Variants in TAF3 observed in about 807,000 individuals in gnomAD.
TAF3 encodes TATA-box binding protein associated factor 3, also known as transcription initiation factor TFIID subunit 3.
In TAF3, 7 loss-of-function variants were observed where a neutral mutation model predicts 80.6. The observed-to-expected ratio is 0.09, with a 90% CI of 0.05 to 0.16. The LOEUF (loss-of-function observed/expected upper bound fraction) is 0.16, where lower values mean the gene tolerates loss of function less well. TAF3 is among the 10% of genes least tolerant of loss of function. The probability of loss-of-function intolerance (pLI) is 1.00; values close to 1 mark genes in which losing one functional copy is unlikely to be tolerated. For synonymous variants in TAF3, 444 were observed against 446.1 expected (o/e 1.00, Z 0.06); for missense variants, 921 against 1,140.2 (o/e 0.81, Z 2.77).
chr10:7,964,910 A>G lies in TAF3; in HGVS notation c.1400A>G (p.Asp467Gly). ...TSSSDNSWTM[D>G]ASIDEVVRKA... ...AGTTCCGATAACTCATGGACAATGG[A>G]TGCCTCCATTGATGAGGTTGTACGT... is the stretch of plus-strand genomic sequence containing the variant. Residue 467 changes from aspartate (D) to glycine (G), a missense_variant, in exon 3 of 7, where the codon GAT becomes GGT. Physicochemically the swap from Asp to Gly is moderately conservative, Grantham distance 94. Coordinates refer to ENST00000344293, the MANE Select transcript of TAF3 (RefSeq NM_031923.4). This position sits in a 1 kb window ranked among gnomAD's most constrained non-coding sequence, Gnocchi z 4.1. 6.2e-7 allele frequency: 1 copy of G among 1,614,096 alleles called. No homozygotes were observed.
intron 2 of TAF3, among the ~76,000 whole-genome samples, chr10:7,876,003 T>C (rs1044999268): frequency 1.6e-4 from 24 of 151,790 alleles, no homozygotes; most frequent in African/African-American, 5.8e-4. Context: ...CTTTAAGTTT[T>C]TTTATCATAC....
At chr10:7,986,636 T>C (rs1483269826) in intron 4 of TAF3, among the ~76,000 whole-genome samples, 1 of 152,208 alleles carries the variant, frequency 6.6e-6, no homozygotes, top group Non-Finnish European at 1.5e-5. Context: ...ACTTGGACTC[T>C]CAGCATCTTG....
chr10:7,973,424 T>G (rs1224190992), intron 3 of TAF3, among the ~76,000 whole-genome samples: 1 of 152,188 alleles, frequency 6.6e-6, no homozygotes, highest in African/African-American at 2.4e-5. Flanking sequence ...ACCCTAAAAT[T>G]GTTAGAGTTG....
chr10:8,006,168 G>GA (rs750466540), intron 4 of TAF3, among the ~76,000 whole-genome samples: 3 of 127,704 alleles, frequency 2.3e-5, no homozygotes, highest in Non-Finnish European at 3.3e-5. Context: ...CGTCTCTACT[G>GA]AAAAAAAAAA....
chr10:7,869,868 A>G (rs2131144253), intron 2 of TAF3, among the ~76,000 whole-genome samples: 1 of 152,276 alleles, frequency 6.6e-6, no homozygotes, highest in African/African-American at 2.4e-5. Context: ...TTTATAAACT[A>G]TTTGTACTTT....
At chr10:7,922,875 A>G (rs1430004229) in intron 2 of TAF3, among the ~76,000 whole-genome samples, 2 of 152,084 alleles carry the variant, frequency 1.3e-5, no homozygotes, top group Admixed American at 6.5e-5. Flanking sequence ...GTTAAAATGC[A>G]TAATTGGAGC....
intron 2 of TAF3, among the ~76,000 whole-genome samples, chr10:7,923,000 A>G (rs1837779257): frequency 6.6e-6 from 1 of 152,088 alleles, no homozygotes; most frequent in East Asian, 1.9e-4. Flanking sequence ...AATCATCTAT[A>G]TAGGACTTCT....
In TAF3 at chr10:7,824,520, C is replaced by T. The variant is rs774665170; in HGVS notation, c.369C>T (p.Tyr123=). The stretch of plus-strand genomic sequence containing the variant: ...AAGATGCAGAGGAAAGAAAAGAATA[C>T]ATTCCTGATTACCTGCCACCCATTG... ...GSKDAEERKE[Y]IPDYLPPIVS... The change falls in exon 2 of 7, where the codon TAC becomes TAT. Residue 123 remains tyrosine, a synonymous_variant. Coordinates refer to ENST00000344293, the MANE Select transcript of TAF3 (RefSeq NM_031923.4). 1 of 1,614,172 alleles carries T rather than the reference C, an allele frequency of 6.2e-7. No individual in the cohort carries two copies.
chr10:7,852,453 T>G (rs1056268775), intron 2 of TAF3, among the ~76,000 whole-genome samples: 16 of 152,248 alleles, frequency 1.1e-4, no homozygotes, highest in African/African-American at 3.9e-4. Context: ...TCATATTTGT[T>G]GCAGAAACTG....
At position 7,965,349 on chromosome 10, in the gene TAF3, A is replaced by G. The variant is rs752655034; in HGVS notation, c.1839A>G (p.Lys613=). 3.7e-6 allele frequency: 6 copies of G among 1,603,528 alleles called. No individual in the cohort carries two copies. Among genetic ancestry groups the G allele is most frequent in the East Asian group, 2.2e-5 (1 of 44,832 alleles). ...KLKDGLVRKE[K]EKHKDKKKDR... ...AAGATGGACTTGTGAGGAAGGAGAA[A>G]GAGAAGCATAAAGATAAGAAGAAAG... Residue 613 remains lysine, a synonymous_variant, in exon 3 of 7, where the codon AAA becomes AAG. Transcript: ENST00000344293.
chr10:7,920,299 C>CGTGTGTGTGT (rs60287426), intron 2 of TAF3, among the ~76,000 whole-genome samples: 1 of 101,280 alleles, frequency 9.9e-6, no homozygotes, highest in African/African-American at 3.0e-5. Context: ...TTTAAACATA[C>CGTGTGTGTGT]GTGTGTGTGT....
intron 3 of TAF3, among the ~76,000 whole-genome samples, chr10:7,969,817 C>T (rs368351353): frequency 1.3e-5 from 2 of 152,154 alleles, no homozygotes; most frequent in African/African-American, 4.8e-5. Flanking sequence ...CTTTGGCAGC[C>T]ACACTGACCG....
intron 2 of TAF3, among the ~76,000 whole-genome samples, chr10:7,940,298 G>A (rs984770089): frequency 2.2e-4 from 34 of 152,322 alleles, no homozygotes; most frequent in Non-Finnish European, 4.6e-4. Flanking sequence ...GAAACTACCA[G>A]ATGATTCAGT....
intron 2 of TAF3, among the ~76,000 whole-genome samples, chr10:7,850,281 ATT>A (rs1182686395): frequency 5.3e-5 from 8 of 152,210 alleles, no homozygotes; most frequent in Non-Finnish European, 1.2e-4. Flanking sequence ...TGCTGCATTC[ATT>A]TTATACTGCG....
chr10:7,975,093 G>C (rs1174878077), intron 3 of TAF3: 2 of 238,620 alleles, frequency 8.4e-6, no homozygotes, highest in Admixed American at 5.3e-5. Flanking sequence ...AAAAAAAAAA[G>C]AGTGAGATGA....
At chr10:7,974,165 CACACACAA>C (rs1831648365) in intron 3 of TAF3, among the ~76,000 whole-genome samples, 1 of 125,806 alleles carries the variant, frequency 7.9e-6, no homozygotes, top group African/African-American at 2.8e-5. Flanking sequence ...CACACACACA[CACACACAA>C]ACACACACAC....
At chr10:7,975,479 T>C (rs1831663923) in intron 3 of TAF3, among the ~76,000 whole-genome samples, 1 of 152,144 alleles carries the variant, frequency 6.6e-6, no homozygotes, top group Non-Finnish European at 1.5e-5. Flanking sequence ...AAACAGCTAG[T>C]ATTGGAGGCA....
chr10:8,014,576 G>A, intron 6 of TAF3, 61 bp from the exon 7 acceptor site: 1 of 1,414,432 alleles, frequency 7.1e-7, no homozygotes, highest in South Asian at 1.3e-5. Flanking sequence ...TTAAAACATG[G>A]AAGGGAGAAG....
intron 2 of TAF3, among the ~76,000 whole-genome samples, chr10:7,943,490 A>C (rs1588560649): frequency 1.3e-5 from 2 of 152,156 alleles, no homozygotes; most frequent in East Asian, 3.9e-4. Flanking sequence ...CATGGCTTCC[A>C]AACCTCACAC....
Sources: allele counts gnomAD v4.1 joint callset (sites outside exome capture counted in the v4.1 genomes callset), GRCh38; gene constraint gnomAD v4.1.1; non-coding constraint Gnocchi (gnomAD v3.1); transcripts MANE v1.5; gene names NCBI Gene and HGNC (gene_info 2026-07-23, HGNC 2026-07-21).